The following BBS2 variants were observed in gnomAD, a reference collection of about 807,000 sequenced individuals.
BBS2 encodes the protein BBSome complex member BBS2.
Under a neutral mutation model 83.0 loss-of-function variants are expected in BBS2, and 62 were observed. The observed-to-expected ratio is 0.75, with a 90% CI of 0.61 to 0.92. The LOEUF (loss-of-function observed/expected upper bound fraction) is 0.92, where lower values mean the gene tolerates loss of function less well. BBS2 is among the 40% of genes least tolerant of loss of function. The pLI is 0.00. For synonymous variants in BBS2, 303 were observed against 326.1 expected (o/e 0.93, Z 0.76); for missense variants, 784 against 901.0 (o/e 0.87, Z 1.66).
intron 16 of BBS2, among the ~76,000 whole-genome samples, chr16:56,485,104 A>G (rs1202990061): frequency 3.3e-5 from 5 of 152,226 alleles, no homozygotes; most frequent in Non-Finnish European, 7.3e-5. Context: ...ATCAAAGCTC[A>G]TAGTCACCTA....
At chr16:56,470,460 G>C in exon 18 of BBS2, 1 of 1,569,516 alleles carries the variant, frequency 6.4e-7, no homozygotes, top group Non-Finnish European at 8.6e-7. Context: ...TGGCTTTGAT[G>C]AACAACTTGA....
intron 10 of BBS2, 28 bp from the exon 11 acceptor site, chr16:56,501,053 G>A (rs757757158): frequency 6.2e-7 from 1 of 1,613,132 alleles, no homozygotes; most frequent in South Asian, 1.1e-5. Flanking sequence ...AACAGTTTAA[G>A]AACAACTCCA....
Position 56,506,162 on chromosome 16 carries a change from T to C in BBS2, c.675A>G (p.Thr225=). Residue 225 remains threonine (T), a synonymous_variant, in exon 6 of 17, where the codon ACA becomes ACG. Coordinates refer to ENST00000245157, the MANE Select transcript of BBS2 (RefSeq NM_031885.5). The part of the protein sequence containing the change: ...SRFGYALSNG[T]VGVYDKTSRY... Reference sequence around the variant, plus strand: ...GGGATGTTTTGTCATAAACTCCAACTGTGCCATTGGAAAGGGCATAACCAA... The same window carrying C: ...GGGATGTTTTGTCATAAACTCCAACCGTGCCATTGGAAAGGGCATAACCAA... 1 of 1,614,130 alleles carries C rather than the reference T, an allele frequency of 6.2e-7. No individual in the cohort carries two copies. Among genetic ancestry groups the C allele is most frequent in the African/African-American group, 1.3e-5 (1 of 75,062 alleles).
At chr16:56,502,080 CTATAAA>C (rs1236204534) in intron 9 of BBS2, 2 of 588,210 alleles carry the variant, frequency 3.4e-6, no homozygotes, top group Non-Finnish European at 6.1e-6. Flanking sequence ...GTTTTCACTG[CTATAAA>C]TAAATAGTGC....
At position 56,509,155 on chromosome 16, in the gene BBS2, T is replaced by C. The variant is rs189222528; in HGVS notation, c.612+802A>G. ...TACACATGATGAGGAGGAAGGGGCA[T>C]AAAGGTTCAAATGCTGACCATGCCA... On this transcript the variant is annotated intron_variant, in intron 5 of 16. Transcript: ENST00000245157. 3.0e-4 allele frequency among the ~76,000 whole-genome samples: 46 copies of C among 152,304 alleles called. 1 individual carries two copies. The highest frequency in any genetic ancestry group is 1.1e-3 in the African/African-American group (45 of 41,558).
chr16:56,510,095 A>G, intron 4 of BBS2, 61 bp from the exon 5 acceptor site: 1 of 1,516,650 alleles, frequency 6.6e-7, no homozygotes, highest in South Asian at 1.1e-5. Flanking sequence ...ATTTCTGTAA[A>G]CAAAACAAAA....
chr16:56,497,190 C>T (rs1461839308), intron 14 of BBS2, 111 bp from the exon 15 acceptor site: 7 of 787,892 alleles, frequency 8.9e-6, no homozygotes, highest in African/African-American at 6.7e-5. Flanking sequence ...TTCCCCTGTT[C>T]GCTTATACCA....
At chr16:56,497,184 CCT>C (rs1964138884) in intron 14 of BBS2, 105 bp from the exon 15 acceptor site, 7 of 813,876 alleles carry the variant, frequency 8.6e-6, no homozygotes, top group East Asian at 4.8e-5. Context: ...CCTTCTTTCC[CCT>C]GTTCGCTTAT....
At chr16:56,505,278 A>T (rs1387668405) in intron 7 of BBS2, among the ~76,000 whole-genome samples, 2 of 152,198 alleles carry the variant, frequency 1.3e-5, no homozygotes, top group Non-Finnish European at 2.9e-5. Flanking sequence ...TTCACGTAAC[A>T]CCAAAGGAAT....
chr16:56,508,592 G>A (rs1484269442), intron 5 of BBS2, among the ~76,000 whole-genome samples: 1 of 152,034 alleles, frequency 6.6e-6, no homozygotes, highest in Non-Finnish European at 1.5e-5. Context: ...TTTAGATAGT[G>A]CTTTTTGCTT....
At chr16:56,486,704 G>A (rs1963786368) in intron 15 of BBS2, among the ~76,000 whole-genome samples, 1 of 150,096 alleles carries the variant, frequency 6.7e-6, no homozygotes, top group Non-Finnish European at 1.5e-5. Context: ...CTGGAGGTTA[G>A]AAGAGGTATT....
In BBS2 at chr16:56,506,119, C is replaced by G; in HGVS notation, c.717+1G>C. ...AATATCAAAGGCTAAATTATACTAA[C>G]TTTAATTCTCCAGTATCGGGATGTT... On this transcript the variant is annotated splice_donor_variant, in intron 6 of 16. Transcript: ENST00000245157. LOFTEE classifies it high-confidence loss of function. The G allele has an allele frequency of 6.2e-7, 1 of 1,613,206 alleles. No individual in the cohort carries two copies. The highest frequency in any genetic ancestry group is 8.5e-7 in the Non-Finnish European group (1 of 1,179,190).
chr16:56,507,174 A>T (rs183658104), intron 5 of BBS2, among the ~76,000 whole-genome samples: 3 of 152,160 alleles, frequency 2.0e-5, no homozygotes, highest in African/African-American at 7.2e-5. Context: ...TGATCTGGGA[A>T]ATGATATTTG....
At chr16:56,476,352 G>A in intron 17 of BBS2, 1 of 620,400 alleles carries the variant, frequency 1.6e-6, no homozygotes, top group Non-Finnish European at 2.6e-6. Flanking sequence ...GACTCATAAT[G>A]ATTGTCCTCA....
chr16:56,472,724 T>C lies in BBS2; in HGVS notation c.*1-2029A>G, dbSNP rs149707329. 2.6e-4 allele frequency among the ~76,000 whole-genome samples: 39 copies of C among 152,378 alleles called. 1 individual carries two copies. Among genetic ancestry groups the C allele is most frequent in the African/African-American group, 7.7e-4 (32 of 41,594 alleles). ...ACTGTTTTTTTGCTATGTAGACATA[T>C]ACATGTATACACATATGGGGGGTAT... On this transcript the variant is annotated intron_variant, in intron 17 of 17. Coordinates refer to the BBS2 transcript ENST00000682047.
exon 18 of BBS2, chr16:56,470,571 G>T (rs1171308067): frequency 6.2e-7 from 1 of 1,614,160 alleles, no homozygotes; most frequent in Non-Finnish European, 8.5e-7. Context: ...CACTATTCTT[G>T]CTGCTCTCCA....
chr16:56,484,635 A>T lies in BBS2; in HGVS notation c.*126T>A. 1.3e-6 allele frequency: 1 copy of T among 759,630 alleles called. No individual in the cohort carries two copies. Among genetic ancestry groups the T allele is most frequent in the Non-Finnish European group, 2.3e-6 (1 of 434,062 alleles). 47.1% of individuals were successfully genotyped at this position (759,630 alleles called of 1,614,324 possible). ...ATGTAGTTCTTTGTCTTTAATTTGT[A>T]CAACTCACCAAGGTTATTTTCATTC... On this transcript the variant is annotated 3_prime_UTR_variant, in exon 17 of 17. Coordinates refer to ENST00000245157, the MANE Select transcript of BBS2 (RefSeq NM_031885.5).
intron 8 of BBS2, 108 bp downstream of exon 8, chr16:56,502,565 T>C (rs2144149565): frequency 6.2e-7 from 1 of 1,610,272 alleles, no homozygotes; most frequent in Admixed American, 1.7e-5. Flanking sequence ...GTGAATTTAT[T>C]AGAACTACAG....
intron 7 of BBS2, among the ~76,000 whole-genome samples, chr16:56,505,001 G>A (rs1301285700): frequency 1.3e-5 from 2 of 152,192 alleles, no homozygotes; most frequent in Non-Finnish European, 2.9e-5. Context: ...ATGAGGAAGT[G>A]GTCCCTCACC....
Sources: gnomAD v4.1 joint callset for allele counts (sites outside exome capture counted in the v4.1 genomes callset) on GRCh38, gnomAD v4.1.1 for gene constraint, MANE v1.5 for transcripts, NCBI Gene and HGNC (gene_info 2026-07-23, HGNC 2026-07-21) for gene names.